The following CDC14B variants were observed in gnomAD, a reference collection of about 807,000 sequenced individuals.
CDC14B encodes the protein cell division cycle 14B.
A neutral mutation model predicts 64.2 loss-of-function variants in CDC14B; 22 were observed. That is an observed-to-expected ratio of 0.34 (90% CI 0.24 to 0.49). The LOEUF is 0.49. CDC14B is among the 20% of genes least tolerant of loss of function. The pLI, the probability that CDC14B is intolerant of heterozygous loss-of-function variation, is 0.99. For missense variants in CDC14B, 498 were observed against 629.9 expected (o/e 0.79, Z 2.24); for synonymous variants, 191 against 215.8 (o/e 0.89, Z 1.01).
chr9:96,508,306 G>A (rs960710125), intron 13 of CDC14B, among the ~76,000 whole-genome samples: 4 of 152,288 alleles, frequency 2.6e-5, no homozygotes, highest in African/African-American at 9.6e-5. Context: ...GCGAGCCACC[G>A]CACCCGGCCC....
intron 4 of CDC14B, among the ~76,000 whole-genome samples, chr9:96,555,353 T>C (rs1020223508): frequency 1.3e-5 from 2 of 152,208 alleles, no homozygotes; most frequent in Non-Finnish European, 2.9e-5. Context: ...AGAGGCCTCC[T>C]GCCAGCAATC....
rs140682521 is a variant in CDC14B, at chr9:96,601,410, T to C, written c.160+17809A>G. Among the ~76,000 whole-genome samples, 1,013 of 151,636 alleles carry C rather than the reference T, an allele frequency of 6.7e-3. 17 individuals carry two copies. The highest frequency in any genetic ancestry group is 0.023 in the African/African-American group (956 of 41,266). ...TACTTGGGAGGCTGAGGCAGGAGAA[T>C]TGCTTGAACCCGGGAGGCAGAGGTT... On this transcript the variant is annotated intron_variant, in intron 1 of 13. Coordinates refer to ENST00000375241, the MANE Select transcript of CDC14B (RefSeq NM_033331.4).
At chr9:96,579,639 G>A (rs1845021505) in intron 1 of CDC14B, among the ~76,000 whole-genome samples, 1 of 151,856 alleles carries the variant, frequency 6.6e-6, no homozygotes, top group Non-Finnish European at 1.5e-5. Context: ...AATGCACACA[G>A]GAAAGGTCAC....
At chr9:96,543,737 A>G (rs951677632) in intron 5 of CDC14B, among the ~76,000 whole-genome samples, 1 of 152,240 alleles carries the variant, frequency 6.6e-6, no homozygotes, top group Admixed American at 6.5e-5. Flanking sequence ...TAATTTAATT[A>G]TGATTAAGCT....
At chr9:96,597,251 TG>T (rs893477211) in intron 1 of CDC14B, among the ~76,000 whole-genome samples, 5 of 152,264 alleles carry the variant, frequency 3.3e-5, no homozygotes, top group Admixed American at 3.3e-4. Flanking sequence ...CCCGGTACTT[TG>T]GGAGGCCGAG....
At chr9:96,618,206 C>A (rs1196076279) in intron 1 of CDC14B, among the ~76,000 whole-genome samples, 1 of 152,240 alleles carries the variant, frequency 6.6e-6, no homozygotes, top group Non-Finnish European at 1.5e-5. Context: ...TCTCGCCACT[C>A]CAGCTTACCT....
chr9:96,537,162 G>A (rs1281568273), intron 7 of CDC14B, among the ~76,000 whole-genome samples: 2 of 152,142 alleles, frequency 1.3e-5, no homozygotes, highest in East Asian at 3.9e-4. Context: ...ATGGTGGCAC[G>A]TGCCTGTAGT....
intron 1 of CDC14B, among the ~76,000 whole-genome samples, chr9:96,614,365 C>T (rs1298254969): frequency 6.6e-6 from 1 of 151,988 alleles, no homozygotes; most frequent in African/African-American, 2.4e-5. Flanking sequence ...CCTCAGCCTC[C>T]GGAGTAGGGG....
At chr9:96,617,932 G>C (rs1044164193) in intron 1 of CDC14B, among the ~76,000 whole-genome samples, 4 of 152,132 alleles carry the variant, frequency 2.6e-5, no homozygotes, top group African/African-American at 9.7e-5. Flanking sequence ...TCCTGGGAAG[G>C]GCACAACGTT....
chr9:96,507,502 G>A (rs919891117), intron 13 of CDC14B, among the ~76,000 whole-genome samples: 6 of 150,646 alleles, frequency 4.0e-5, no homozygotes, highest in African/African-American at 9.8e-5. Context: ...TGCAACCTCC[G>A]CCTCCAAAGT....
chr9:96,495,926 C>T (rs1435054884), downstream of CDC14B, among the ~76,000 whole-genome samples: 1 of 152,194 alleles, frequency 6.6e-6, no homozygotes, highest in African/African-American at 2.4e-5. Context: ...TGGCCACAGC[C>T]AGCAAGTCAC....
intron 13 of CDC14B, among the ~76,000 whole-genome samples, chr9:96,507,447 GCT>G: frequency 6.7e-6 from 1 of 148,230 alleles, no homozygotes; most frequent in South Asian, 2.1e-4. Context: ...ACAGAGTCTT[GCT>G]CTGTTGCCCA....
chr9:96,543,861 A>G (rs1564294369), intron 5 of CDC14B, among the ~76,000 whole-genome samples: 1 of 152,140 alleles, frequency 6.6e-6, no homozygotes, highest in South Asian at 2.1e-4. Context: ...TCACACTGTA[A>G]TATTTCTTAC....
intron 1 of CDC14B, among the ~76,000 whole-genome samples, chr9:96,602,410 T>C (rs1327175419): frequency 1.3e-5 from 2 of 152,182 alleles, no homozygotes. Context: ...CCACATATGT[T>C]AGTCCGTTTT....
chr9:96,617,675 G>A (rs1474707714), intron 1 of CDC14B, among the ~76,000 whole-genome samples: 1 of 152,108 alleles, frequency 6.6e-6, no homozygotes, highest in East Asian at 1.9e-4. Flanking sequence ...TTTCTAGAAG[G>A]CTTCACAAGA....
intron 5 of CDC14B, among the ~76,000 whole-genome samples, chr9:96,542,607 G>A (rs1250470666): frequency 6.6e-6 from 1 of 151,648 alleles, no homozygotes; most frequent in African/African-American, 2.4e-5. Context: ...TCCCACCTCA[G>A]TGTCCCCAGT....
chr9:96,524,024 C>T (rs910360426), intron 9 of CDC14B, among the ~76,000 whole-genome samples: 3 of 152,196 alleles, frequency 2.0e-5, no homozygotes, highest in South Asian at 2.1e-4. Flanking sequence ...GCAACCTTCA[C>T]CTCCTGGGCT....
At chr9:96,559,993 T>C (rs1842945258) in intron 4 of CDC14B, among the ~76,000 whole-genome samples, 1 of 152,230 alleles carries the variant, frequency 6.6e-6, no homozygotes, top group Non-Finnish European at 1.5e-5. Flanking sequence ...GGTTGTTGTT[T>C]GTTCACTAGT....
intron 12 of CDC14B, among the ~76,000 whole-genome samples, chr9:96,519,122 C>T (rs373310323): frequency 1.9e-4 from 29 of 151,722 alleles, no homozygotes; most frequent in South Asian, 1.0e-3. Context: ...GGCGACAGGG[C>T]GATACTCTGT....
Sources: gnomAD v4.1 joint callset for allele counts (sites outside exome capture counted in the v4.1 genomes callset) on GRCh38, gnomAD v4.1.1 for gene constraint, MANE v1.5 for transcripts, NCBI Gene and HGNC (gene_info 2026-07-23, HGNC 2026-07-21) for gene names.